Variants in TLN2 observed in about 807,000 individuals in gnomAD.
TLN2 encodes the protein talin-2.
In TLN2, 118 loss-of-function variants were observed where a neutral mutation model predicts 294.7. That is an observed-to-expected ratio of 0.40 (90% CI 0.34 to 0.47). TLN2 has a LOEUF of 0.47. Ranked by LOEUF, TLN2 falls within the 20% of genes least tolerant of loss-of-function variation. TLN2 has a pLI of 0.84. For missense variants in TLN2, 3,083 were observed against 3,282.2 expected (o/e 0.94, Z 1.48); for synonymous variants, 1,431 against 1,304.5 (o/e 1.10, Z -2.09).
chr15:62,692,871 C>T lies in TLN2; in HGVS notation c.1145C>T (p.Ser382Leu), dbSNP rs867546286. 1.9e-6 allele frequency: 3 copies of T among 1,613,680 alleles called. No homozygotes were observed. Among genetic ancestry groups the T allele is most frequent in the Non-Finnish European group, 2.5e-6 (3 of 1,179,894 alleles). ...DFGEYQESYY[S>L]VQTTEGEQIS... ...GGGGAGTATCAGGAAAGCTACTATTCAGTACAAACCACCGAGGGAGAGCAG... is the reference window on the plus strand; with the variant it reads ...GGGGAGTATCAGGAAAGCTACTATTTAGTACAAACCACCGAGGGAGAGCAG... The change falls in exon 13 of 59, where the codon TCA (serine) becomes TTA (leucine). Residue 382 changes from serine to leucine, a missense_variant. Transcript: ENST00000636159.
At position 62,800,353 on chromosome 15, in the gene TLN2, T is replaced by C. The variant is rs2141142850; in HGVS notation, c.6235-15T>C. 1 of 1,612,600 alleles carries C rather than the reference T, an allele frequency of 6.2e-7. No individual in the cohort carries two copies. The highest frequency in any genetic ancestry group is 2.2e-5 in the East Asian group (1 of 44,872). ...TCTTGACGCCTGCTCACCTGAGTTC[T>C]GTGCTCTCTTTCAGGTGGTTTTGAT... On this transcript the variant is annotated splice_polypyrimidine_tract_variant and intron_variant, in intron 48 of 58. Coordinates refer to ENST00000636159, the MANE Select transcript of TLN2 (RefSeq NM_015059.3).
intron 1 of TLN2, among the ~76,000 whole-genome samples, chr15:62,434,738 T>C (rs1337826712): frequency 2.6e-5 from 4 of 152,344 alleles, no homozygotes; most frequent in South Asian, 2.1e-4. Flanking sequence ...ATATCACTTA[T>C]GATGTGTGAT....
intron 12 of TLN2, among the ~76,000 whole-genome samples, chr15:62,691,808 T>G (rs769419872): frequency 1.3e-5 from 2 of 151,862 alleles, no homozygotes; most frequent in Non-Finnish European, 2.9e-5. Context: ...GAGCTGGAAC[T>G]GCAGGCTCAT....
chr15:62,712,652 G>A (rs895403042), intron 22 of TLN2, among the ~76,000 whole-genome samples: 1 of 152,108 alleles, frequency 6.6e-6, no homozygotes, highest in African/African-American at 2.4e-5. Flanking sequence ...AGCCCCCTGT[G>A]GAACATATTA....
At chr15:62,722,190 T>C (rs543912539) in intron 25 of TLN2, among the ~76,000 whole-genome samples, 163 bp from the exon 26 acceptor site, 1 of 152,288 alleles carries the variant, frequency 6.6e-6, no homozygotes, top group Non-Finnish European at 1.5e-5. Flanking sequence ...CTAGAGTATC[T>C]GGCTTGAGGT....
At chr15:62,805,533 G>T in intron 50 of TLN2, 67 bp from the exon 51 acceptor site, 2 of 1,468,476 alleles carry the variant, frequency 1.4e-6, no homozygotes, top group South Asian at 2.9e-5. Flanking sequence ...AGCCTGGTTG[G>T]AGAAGAATAA....
intron 48 of TLN2, among the ~76,000 whole-genome samples, chr15:62,798,901 A>G (rs1477121963): frequency 6.6e-6 from 1 of 152,208 alleles, no homozygotes; most frequent in African/African-American, 2.4e-5. Flanking sequence ...GCATTCACAA[A>G]AACCTCCGCT....
chr15:62,580,680 G>A (rs953596283), intron 1 of TLN2, among the ~76,000 whole-genome samples: 38 of 151,876 alleles, frequency 2.5e-4, no homozygotes, highest in African/African-American at 9.2e-4. Flanking sequence ...CAAAGTGCTG[G>A]GATTATAGGC....
intron 3 of TLN2, among the ~76,000 whole-genome samples, chr15:62,643,462 G>C (rs1457940532): frequency 8.4e-6 from 1 of 118,536 alleles, no homozygotes; most frequent in African/African-American, 3.8e-5. Flanking sequence ...TTCCTGTGAT[G>C]CTTTTTTGCA....
At chr15:62,591,598 G>A (rs1188135204) in intron 2 of TLN2, among the ~76,000 whole-genome samples, 3 of 152,234 alleles carry the variant, frequency 2.0e-5, no homozygotes, top group African/African-American at 7.2e-5. Context: ...GTAACCTGAT[G>A]GAAGTGTACA....
chr15:62,429,606 C>A (rs1418528759), intron 1 of TLN2, among the ~76,000 whole-genome samples: 1 of 152,120 alleles, frequency 6.6e-6, no homozygotes, highest in Non-Finnish European at 1.5e-5. Flanking sequence ...AGGAAGTAGT[C>A]TGGAAGTTTT....
intron 25 of TLN2, among the ~76,000 whole-genome samples, chr15:62,722,129 C>A (rs977891608): frequency 7.2e-5 from 11 of 152,286 alleles, no homozygotes; most frequent in Middle Eastern, 3.4e-3. Flanking sequence ...CCTCTACCCT[C>A]CATGACACCT....
At chr15:62,565,146 TC>T (rs1327095370) in intron 1 of TLN2, among the ~76,000 whole-genome samples, 1 of 151,976 alleles carries the variant, frequency 6.6e-6, no homozygotes, top group Non-Finnish European at 1.5e-5. Context: ...CTGGGTGAAG[TC>T]CCAGCCAACA....
chr15:62,439,722 T>C (rs1320738181), intron 1 of TLN2, among the ~76,000 whole-genome samples: 1 of 152,176 alleles, frequency 6.6e-6, no homozygotes, highest in Admixed American at 6.5e-5. Context: ...TCTCTGATTG[T>C]GAAAGCCTCT....
intron 1 of TLN2, among the ~76,000 whole-genome samples, chr15:62,423,138 A>T (rs1402077420): frequency 6.6e-6 from 1 of 152,190 alleles, no homozygotes; most frequent in African/African-American, 2.4e-5. Flanking sequence ...TCACGCCTGT[A>T]ATCCCAGCAC....
chr15:62,699,445 G>C (rs2058574475), intron 16 of TLN2, among the ~76,000 whole-genome samples: 1 of 151,914 alleles, frequency 6.6e-6, no homozygotes, highest in Non-Finnish European at 1.5e-5. Flanking sequence ...CAAGATCTCA[G>C]GTGATGCCAA....
At chr15:62,569,053 T>G (rs2043644457) in intron 1 of TLN2, among the ~76,000 whole-genome samples, 1 of 152,184 alleles carries the variant, frequency 6.6e-6, no homozygotes, top group African/African-American at 2.4e-5. Context: ...CAGCTGCTGG[T>G]GGCTCCATGC....
intron 1 of TLN2, among the ~76,000 whole-genome samples, chr15:62,492,475 G>C (rs2140411149): frequency 6.7e-6 from 1 of 148,188 alleles, no homozygotes; most frequent in African/African-American, 2.5e-5. Context: ...AGAATTGCCT[G>C]AATCCGGGAG....
At chr15:62,610,174 C>T (rs1013987759) in intron 2 of TLN2, among the ~76,000 whole-genome samples, 6 of 152,192 alleles carry the variant, frequency 3.9e-5, no homozygotes, top group African/African-American at 1.2e-4. Context: ...TATTGGATGT[C>T]GCTCATCCTA....
Sources: gnomAD v4.1 joint callset for allele counts (sites outside exome capture counted in the v4.1 genomes callset) on GRCh38, gnomAD v4.1.1 for gene constraint, MANE v1.5 for transcripts, NCBI Gene and HGNC (gene_info 2026-07-23, HGNC 2026-07-21) for gene names.